SLIT1: variants seen among roughly 807,000 people sequenced by gnomAD.
SLIT1 encodes the protein slit homolog 1 protein.
In SLIT1, 66 loss-of-function variants were observed where a neutral mutation model predicts 186.1. That is an observed-to-expected ratio of 0.35 (90% CI 0.29 to 0.44). The LOEUF (loss-of-function observed/expected upper bound fraction) is 0.44, where lower values mean the gene tolerates loss of function less well. SLIT1 is among the 20% of genes least tolerant of loss of function. The pLI, the probability that SLIT1 is intolerant of heterozygous loss-of-function variation, is 1.00. For synonymous variants in SLIT1, 761 were observed against 833.8 expected (o/e 0.91, Z 1.50); for missense variants, 1,638 against 2,037.4 (o/e 0.80, Z 3.77).
intron 10 of SLIT1, 163 bp from the exon 11 acceptor site, chr10:97,059,694 C>A: frequency 1.5e-6 from 1 of 663,584 alleles, no homozygotes; most frequent in South Asian, 1.7e-5. Context: ...AGCCCATGGC[C>A]GCTATTTCCC....
At chr10:97,002,593 C>A in intron 35 of SLIT1, 111 bp downstream of exon 35, 1 of 1,083,834 alleles carries the variant, frequency 9.2e-7, no homozygotes, top group Non-Finnish European at 1.3e-6. Context: ...TAATAAAACC[C>A]TGGCTTAGGC....
chr10:97,185,446 G>T, intron 1 of SLIT1, 32 bp downstream of exon 1: 1 of 1,599,278 alleles, frequency 6.3e-7, no homozygotes, highest in Non-Finnish European at 8.5e-7. Context: ...CAACCTCGGA[G>T]CCAGGGAGCC....
chr10:97,120,337 C>A (rs971929557), intron 4 of SLIT1, among the ~76,000 whole-genome samples: 2 of 152,160 alleles, frequency 1.3e-5, no homozygotes, highest in Non-Finnish European at 2.9e-5. Flanking sequence ...AGTGAGCAGA[C>A]CCCACCCTCC....
intron 1 of SLIT1, among the ~76,000 whole-genome samples, chr10:97,180,819 C>T (rs1338390306): frequency 6.6e-6 from 1 of 152,248 alleles, no homozygotes; most frequent in African/African-American, 2.4e-5. Context: ...CCTTACCTCC[C>T]GAGCTCTCTT....
intron 1 of SLIT1, 81 bp from the exon 2 acceptor site, chr10:97,164,971 C>G: frequency 9.5e-7 from 1 of 1,054,730 alleles, no homozygotes; most frequent in Non-Finnish European, 1.5e-6. Flanking sequence ...AGGTGCCCTC[C>G]CCGCCTGGAT....
intron 22 of SLIT1, among the ~76,000 whole-genome samples, chr10:97,035,356 ACTC>A (rs1387989596): frequency 6.7e-6 from 1 of 149,564 alleles, no homozygotes; most frequent in East Asian, 2.0e-4. Flanking sequence ...CCTCTCATGA[ACTC>A]CTCCTCCTGA....
At chr10:97,120,918 T>C (rs1589401397) in intron 4 of SLIT1, among the ~76,000 whole-genome samples, 1 of 152,024 alleles carries the variant, frequency 6.6e-6, no homozygotes, top group Admixed American at 6.6e-5. Flanking sequence ...CATAGAAGGG[T>C]TCATTCAAGC....
At position 97,066,028 on chromosome 10, in the gene SLIT1, C is replaced by A; in HGVS notation, c.472G>T (p.Asp158Tyr). The part of the protein sequence containing the change: ...IPRKAFRGAT[D>Y]LKNLQLDKNQ... Reference sequence around the variant, plus strand: ...GCCTGTACTCACAAATTTTTAAGGTCCGTAGCTCCCCGAAAAGCTTTCCTG... The same window carrying A: ...GCCTGTACTCACAAATTTTTAAGGTACGTAGCTCCCCGAAAAGCTTTCCTG... The change falls in exon 5 of 37, where the codon GAC becomes TAC. Residue 158 changes from aspartate to tyrosine, a missense_variant. Physicochemically the swap from Asp to Tyr is radical, Grantham distance 160. Coordinates refer to ENST00000266058, the MANE Select transcript of SLIT1 (RefSeq NM_003061.3). 6.2e-7 allele frequency: 1 copy of A among 1,604,020 alleles called. No individual in the cohort carries two copies. Among genetic ancestry groups the A allele is most frequent in the Non-Finnish European group, 8.5e-7 (1 of 1,174,394 alleles).
intron 4 of SLIT1, chr10:97,152,929 G>A (rs935421659): frequency 1.1e-4 from 17 of 152,202 alleles, no homozygotes; most frequent in African/African-American, 4.1e-4. Flanking sequence ...ATTCCATCAA[G>A]TAGATACATC....
At chr10:97,141,080 CTGCA>C (rs1564686172) in intron 4 of SLIT1, among the ~76,000 whole-genome samples, 1 of 152,152 alleles carries the variant, frequency 6.6e-6, no homozygotes, top group Non-Finnish European at 1.5e-5. Context: ...GTCGGAGGCT[CTGCA>C]TGTAAAAGCA....
In SLIT1 at chr10:97,021,240, C is replaced by T. The variant is rs1002628460; in HGVS notation, c.2746+10G>A. The T allele has an allele frequency of 1.2e-6, 2 of 1,612,338 alleles. No individual in the cohort carries two copies. Among genetic ancestry groups the T allele is most frequent in the Non-Finnish European group, 1.7e-6 (2 of 1,179,060 alleles). ...CCCCCAGCAGCAGGAGGCTGTGCTC[C>T]TAGGCTCACCTTGGCATTCAAACTT... On this transcript the variant is annotated intron_variant, in intron 26 of 36. Transcript: ENST00000266058. The surrounding 1 kb of genome is among the most constrained non-coding windows in gnomAD (Gnocchi z 4.5).
rs115520995 is a variant in SLIT1 at position 97,080,970 on chromosome 10, G to A, written c.414-14884C>T. Among the ~76,000 whole-genome samples the A allele has an allele frequency of 3.9e-3, 601 of 152,292 alleles. 3 individuals carry two copies. The highest frequency in any genetic ancestry group is 0.011 in the African/African-American group (466 of 41,552). On this transcript the variant is annotated intron_variant, in intron 4 of 36. Coordinates refer to ENST00000266058, the MANE Select transcript of SLIT1 (RefSeq NM_003061.3). Reference sequence around the variant, plus strand: ...CAGGGTCAGTGCCACCACCTACTACGCTGCTCTTTGCTGGACTGGCTCAAG... The same window carrying A: ...CAGGGTCAGTGCCACCACCTACTACACTGCTCTTTGCTGGACTGGCTCAAG...
At position 97,015,800 on chromosome 10, in the gene SLIT1, GA is replaced by G. The variant is rs199723494; in HGVS notation, c.2970-1643del. Among the ~76,000 whole-genome samples the G allele has an allele frequency of 1.3e-3, 204 of 152,118 alleles. 5 individuals are homozygous for G. In the East Asian group the frequency reaches 0.035, roughly 26 times the overall value. ...AGAGGCTTATGGTGATGAGAAATAA[GA>G]AAAAAACTTTAAGTTTTAACTTACG... On this transcript the variant is annotated intron_variant, in intron 28 of 36. Transcript: ENST00000266058.
intron 4 of SLIT1, among the ~76,000 whole-genome samples, chr10:97,127,980 A>G (rs1390499944): frequency 6.6e-6 from 1 of 152,026 alleles, no homozygotes; most frequent in East Asian, 1.9e-4. Flanking sequence ...ACAAGCAGCC[A>G]CTCAGAACAG....
rs1848884753 is a variant in SLIT1 at position 97,060,637 on chromosome 10, C to T, written c.941+3G>A. 1 of 1,612,598 alleles carries T rather than the reference C, an allele frequency of 6.2e-7. No individual in the cohort carries two copies. The highest frequency in any genetic ancestry group is 1.7e-5 in the Admixed American group (1 of 60,008). On this transcript the variant is annotated splice_donor_region_variant and intron_variant, in intron 9 of 36. Coordinates refer to ENST00000266058, the MANE Select transcript of SLIT1 (RefSeq NM_003061.3). ...CCCAGCATCTGCCCTGCCCCGTACTCACATCTCCGTCATGGTCTCGGGCAG... is the reference window on the plus strand; with the variant it reads ...CCCAGCATCTGCCCTGCCCCGTACTTACATCTCCGTCATGGTCTCGGGCAG...
At position 97,002,371 on chromosome 10, in the gene SLIT1, T is replaced by TA; in HGVS notation, c.4155-3_4155-2insT. ...GGCACGCATTGCCCATGGACACACCTGGAGGAGACAGAGAAAAGGCGCTGT... is the reference window on the plus strand; with the variant it reads ...GGCACGCATTGCCCATGGACACACCTAGGAGGAGACAGAGAAAAGGCGCTGT... On this transcript the variant is annotated splice_region_variant and splice_polypyrimidine_tract_variant and intron_variant, in intron 35 of 36. Coordinates refer to ENST00000266058, the MANE Select transcript of SLIT1 (RefSeq NM_003061.3). 6.3e-7 allele frequency: 1 copy of TA among 1,589,042 alleles called. No individual in the cohort carries two copies. Among genetic ancestry groups the TA allele is most frequent in the Non-Finnish European group, 8.6e-7 (1 of 1,168,056 alleles).
intron 1 of SLIT1, among the ~76,000 whole-genome samples, chr10:97,180,018 C>T (rs1416403463): frequency 6.6e-6 from 1 of 152,246 alleles, no homozygotes; most frequent in Non-Finnish European, 1.5e-5. Flanking sequence ...GCCGCCCAGC[C>T]CCAAAAGAGC....
intron 31 of SLIT1, among the ~76,000 whole-genome samples, chr10:97,007,093 A>C (rs772950220): frequency 4.6e-5 from 7 of 152,236 alleles, no homozygotes; most frequent in Non-Finnish European, 7.3e-5. Flanking sequence ...AAGAGGGAAG[A>C]GTCAAGTTAC....
At chr10:97,064,910 C>G in intron 5 of SLIT1, 34 bp from the exon 6 acceptor site, 1 of 1,572,812 alleles carries the variant, frequency 6.4e-7, no homozygotes, top group South Asian at 1.1e-5. Context: ...GAGAGAAGGG[C>G]ACATTGCCTA....
Sources: allele counts gnomAD v4.1 joint callset (sites outside exome capture counted in the v4.1 genomes callset), GRCh38; gene constraint gnomAD v4.1.1; non-coding constraint Gnocchi (gnomAD v3.1); transcripts MANE v1.5; gene names NCBI Gene and HGNC (gene_info 2026-07-23, HGNC 2026-07-21).